Variants in LCN6 observed in about 807,000 individuals in gnomAD.
LCN6 encodes the protein epididymal-specific lipocalin-6.
A neutral mutation model predicts 21.4 loss-of-function variants in LCN6; 20 were observed. The observed-to-expected ratio is 0.93, with a 90% CI of 0.66 to 1.36. The LOEUF (loss-of-function observed/expected upper bound fraction) is 1.36, where lower values mean the gene tolerates loss of function less well. Among genes scored for constraint, LCN6 ranks in the 40% most tolerant of loss-of-function variants. The pLI, the probability that LCN6 is intolerant of heterozygous loss-of-function variation, is 0.00. For missense variants in LCN6, 217 were observed against 206.6 expected (o/e 1.05, Z -0.31); for synonymous variants, 96 against 89.0 (o/e 1.08, Z -0.44).
rs761868014 is a variant in LCN6 at position 136,747,450 on chromosome 9, G to T, written c.204C>A (p.Asn68Lys). The T allele has an allele frequency of 3.7e-6, 6 of 1,613,594 alleles. No individual in the cohort carries two copies. In the East Asian group the frequency reaches 8.9e-5, roughly 24 times the overall value. Residue 68 changes from asparagine to lysine, a missense_variant, in exon 2 of 7, where the codon AAC becomes AAA. Coordinates refer to ENST00000341206, the MANE Select transcript of LCN6 (RefSeq NM_198946.3). ...GVVVTLTPEN[N>K]LRTLSSQHGL... The stretch of plus-strand genomic sequence containing the variant: ...CGTGCTGAGAGGACAGCGTCCGCAG[G>T]TTGTTTTCTGGAGTGAGGGTCACCA...
At chr9:136,745,395 CCCCAGGA>C in intron 3 of LCN6, 115 bp from the exon 4 acceptor site, 1 of 704,938 alleles carries the variant, frequency 1.4e-6, no homozygotes, top group Non-Finnish European at 2.5e-6. Context: ...GAGCCCCCCT[CCCCAGGA>C]GACCCCTCCA....
chr9:136,744,719 C>T lies in LCN6; in HGVS notation c.435G>A (p.Gln145=), dbSNP rs1010131676. The change falls in exon 5 of 7, where the codon CAG becomes CAA. Residue 145 remains glutamine (Q), a synonymous_variant. Coordinates refer to ENST00000341206, the MANE Select transcript of LCN6 (RefSeq NM_198946.3). The surrounding 1 kb of genome is among the most constrained non-coding windows in gnomAD (Gnocchi z 4.2). ...ELYSLTETAS[Q]EAMGLFTKWS... is the part of the protein sequence containing the mutation. The stretch of plus-strand genomic sequence containing the variant: ...ACTTGGTGAAGAGCCCCATGGCCTC[C>T]TGGCTGGCTGTCTCCGTCAGACCTG... 6.2e-7 allele frequency: 1 copy of T among 1,609,982 alleles called. No homozygotes were observed. Among genetic ancestry groups the T allele is most frequent in the African/African-American group, 1.3e-5 (1 of 74,996 alleles).
intron 3 of LCN6, 71 bp from the exon 4 acceptor site, chr9:136,745,351 C>T: frequency 2.8e-6 from 3 of 1,075,890 alleles, no homozygotes; most frequent in South Asian, 1.3e-5. Context: ...TGAGCTGATG[C>T]TGGCCACAGG....
chr9:136,748,318 G>T (rs548557002), intron 1 of LCN6, 76 bp downstream of exon 1: 3 of 1,307,892 alleles, frequency 2.3e-6, no homozygotes, highest in Admixed American at 2.1e-5. Context: ...GCCCTGGGGG[G>T]CCCAGAAGCT....
In LCN6 at chr9:136,744,661, G is replaced by A. The variant is rs1353720737; in HGVS notation, c.*1C>T. ...TCACGGTCCTTCTGCAGCTGGGCCT[G>A]CTACTGTGACAGGAAGCCCAGGCTC... On this transcript the variant is annotated 3_prime_UTR_variant, in exon 5 of 7. Coordinates refer to ENST00000341206, the MANE Select transcript of LCN6 (RefSeq NM_198946.3). The surrounding 1 kb of genome is among the most constrained non-coding windows in gnomAD (Gnocchi z 4.2). 1 of 1,605,496 alleles carries A rather than the reference G, an allele frequency of 6.2e-7. No homozygotes were observed. Among genetic ancestry groups the A allele is most frequent in the East Asian group, 2.2e-5 (1 of 44,666 alleles).
chr9:136,745,037 C>T (rs1240701324), intron 4 of LCN6, 133 bp downstream of exon 4: 21 of 842,296 alleles, frequency 2.5e-5, no homozygotes, highest in African/African-American at 1.4e-4. Context: ...ACATGGCCCC[C>T]GAGCGGCCCA....
chr9:136,744,733 C>T lies in LCN6; in HGVS notation c.421G>A (p.Glu141Lys), dbSNP rs1847010577. ...CCCATGGCCTCCTGGCTGGCTGTCT[C>T]CGTCAGACCTGGGGGCACCAGGGCA... Reference protein sequence around the residue: ...FNTVELYSLTETASQEAMGLF... With the variant: ...FNTVELYSLTKTASQEAMGLF... Residue 141 changes from glutamate (E) to lysine (K), a missense_variant, in exon 5 of 7, where the codon GAG (glutamate) becomes AAG (lysine). By Grantham distance (56) the Glu-to-Lys change is moderately conservative. Coordinates refer to ENST00000341206, the MANE Select transcript of LCN6 (RefSeq NM_198946.3). The surrounding 1 kb of genome is among the most constrained non-coding windows in gnomAD (Gnocchi z 4.2). 1.2e-6 allele frequency: 2 copies of T among 1,608,832 alleles called. No homozygotes were observed. Among genetic ancestry groups the T allele is most frequent in the African/African-American group, 2.7e-5 (2 of 74,860 alleles).
At chr9:136,747,630 C>T (rs62582225) in intron 1 of LCN6, 67 bp from the exon 2 acceptor site, 25,425 of 1,543,204 alleles carry the variant, frequency 0.016, 366 homozygotes, top group Admixed American at 0.061. Flanking sequence ...CTCCAACCCT[C>T]CAGCCTCAGC....
At chr9:136,747,305 G>A (rs1034926958) in intron 2 of LCN6, 119 bp downstream of exon 2, 2 of 1,139,498 alleles carry the variant, frequency 1.8e-6, no homozygotes, top group Admixed American at 2.2e-5. Flanking sequence ...TGACGGGGGT[G>A]CAGAGGGGCC....
Position 136,748,480 on chromosome 9 carries a change from C to G in LCN6, c.4G>C (p.Gly2Arg). 3.1e-6 allele frequency: 5 copies of G among 1,612,752 alleles called. No homozygotes were observed. Among genetic ancestry groups the G allele is most frequent in the Non-Finnish European group, 4.2e-6 (5 of 1,179,764 alleles). The change falls in exon 1 of 7, where the codon GGC becomes CGC. Residue 2 changes from glycine (G) to arginine (R), a missense_variant. Gly to Arg is a moderately radical substitution (Grantham distance 125). Coordinates refer to ENST00000341206, the MANE Select transcript of LCN6 (RefSeq NM_198946.3). ...AGAAAAGCAGCCAGCAGCAGGCCGC[C>G]CATCCTCCCAGGTCTACACTGCGCC... Reference protein sequence around the residue: MGGLLLAAFLAL... With the variant: MRGLLLAAFLAL...
chr9:136,747,527 G>A lies in LCN6; in HGVS notation c.127C>T (p.Arg43Trp), dbSNP rs776575106. Residue 43 changes from arginine (R) to tryptophan (W), a missense_variant, in exon 2 of 7, where the codon CGG becomes TGG. Transcript: ENST00000341206. Reference sequence around the variant, plus strand: ...TTCTCCATGGCAAAGCCCTTTTCCCGGGAGGCCACCGCAAGCACGTACCAG... The same window carrying A: ...TTCTCCATGGCAAAGCCCTTTTCCCAGGAGGCCACCGCAAGCACGTACCAG... ...GPWYVLAVASREKGFAMEKDM... is the reference protein window; with the variant it reads ...GPWYVLAVASWEKGFAMEKDM... The A allele has an allele frequency of 4.3e-5, 70 of 1,612,816 alleles. No homozygotes were observed. The highest frequency in any genetic ancestry group is 5.8e-5 in the Non-Finnish European group (69 of 1,179,822).
At chr9:136,745,684 G>A in intron 3 of LCN6, 160 bp downstream of exon 3, 2 of 699,376 alleles carry the variant, frequency 2.9e-6, no homozygotes, top group East Asian at 2.5e-5. Flanking sequence ...CTCTGTCCAG[G>A]GGCTTCTCTT....
Position 136,745,230 on chromosome 9 carries a change from C to T in LCN6, c.352G>A (p.Ala118Thr), listed in dbSNP as rs1377705134. 1.2e-6 allele frequency: 2 copies of T among 1,613,646 alleles called. No homozygotes were observed. The highest frequency in any genetic ancestry group is 2.7e-5 in the African/African-American group (2 of 74,930). The change falls in exon 4 of 7, where the codon GCC becomes ACC. Residue 118 changes from alanine (A) to threonine (T), a missense_variant. By Grantham distance (58) the Ala-to-Thr change is moderately conservative. Coordinates refer to ENST00000341206, the MANE Select transcript of LCN6 (RefSeq NM_198946.3). ...WVLATNFRDY[A>T]IIFTQLEFGD... is the part of the protein sequence containing the mutation. Reference sequence around the variant, plus strand: ...AACTCCAGCTGAGTGAAGATGATGGCATAGTCTCTGAAGTTGGTGGCCAGC... The same window carrying T: ...AACTCCAGCTGAGTGAAGATGATGGTATAGTCTCTGAAGTTGGTGGCCAGC...
In LCN6 at chr9:136,745,300, G is replaced by T; in HGVS notation, c.302-20C>A. On this transcript the variant is annotated intron_variant, in intron 3 of 6. Coordinates refer to ENST00000341206, the MANE Select transcript of LCN6 (RefSeq NM_198946.3). ...CTATTGCTAGGAAACAAAACCCCCC[G>T]CCTCAGGGGAGGGCAGCTGCTGTAT... 3 of 1,545,472 alleles carry T rather than the reference G, an allele frequency of 1.9e-6. No homozygotes were observed. Among genetic ancestry groups the T allele is most frequent in the Non-Finnish European group, 2.7e-6 (3 of 1,118,292 alleles).
chr9:136,745,339 G>A (rs951530945), intron 3 of LCN6, 59 bp from the exon 4 acceptor site: 44 of 1,203,758 alleles, frequency 3.7e-5, no homozygotes, highest in South Asian at 1.3e-4. Context: ...TCCAGGGGCC[G>A]CTGAGCTGAT....
At chr9:136,745,331 C>T in intron 3 of LCN6, 51 bp from the exon 4 acceptor site, 13 of 1,297,954 alleles carry the variant, frequency 1.0e-5, no homozygotes, top group Non-Finnish European at 1.5e-5. Flanking sequence ...TGTATCCATC[C>T]AGGGGCCGCT....
chr9:136,748,413 C>G lies in LCN6; in HGVS notation c.71G>C (p.Gly24Ala). 1 of 1,612,844 alleles carries G rather than the reference C, an allele frequency of 6.2e-7. No homozygotes were observed. Among genetic ancestry groups the G allele is most frequent in the Non-Finnish European group, 8.5e-7 (1 of 1,179,842 alleles). Residue 24 changes from glycine to alanine, a missense_variant, in exon 1 of 7, where the codon GGA (glycine) becomes GCA (alanine). By Grantham distance (60) the Gly-to-Ala change is moderately conservative. Transcript: ENST00000341206. ...CTGTACCTGCTCAGGGTCCAGTCTT[C>G]CCAACCACACGGCCTGGGCCCTGGG... Reference protein sequence around the residue: ...SVPRAQAVWLGRLDPEQLLGP... With the variant: ...SVPRAQAVWLARLDPEQLLGP...
At chr9:136,746,716 C>T (rs1394846999) in intron 2 of LCN6, among the ~76,000 whole-genome samples, 2 of 152,134 alleles carry the variant, frequency 1.3e-5, no homozygotes, top group Non-Finnish European at 2.9e-5. Flanking sequence ...CTCTGGGCCC[C>T]GTACCTGGCT....
rs527778209 is a variant in LCN6, at chr9:136,748,326, G to A, written c.90+68C>T. ...TGGGCTAGCCCTGGGGGGCCCAGAA[G>A]CTGTGTGGCCTTAAAGGAGGGGCTG... On this transcript the variant is annotated intron_variant, in intron 1 of 6. Transcript: ENST00000341206. 2.0e-5 allele frequency: 28 copies of A among 1,381,672 alleles called. No homozygotes were observed. In the South Asian group the frequency reaches 3.4e-4, roughly 17 times the overall value. The allele number at this position is 1,381,672 out of a possible 1,614,324, so 85.6% of individuals were successfully genotyped here.
Sources: gnomAD v4.1 joint callset for allele counts (sites outside exome capture counted in the v4.1 genomes callset) on GRCh38, gnomAD v4.1.1 for gene constraint, Gnocchi (gnomAD v3.1) non-coding constraint, MANE v1.5 for transcripts, NCBI Gene and HGNC (gene_info 2026-07-23, HGNC 2026-07-21) for gene names.